The following SUGCT variants were observed in gnomAD, a reference collection of about 807,000 sequenced individuals.
The protein encoded by SUGCT is succinyl-CoA:glutarate-CoA transferase, also known as succinyl-CoA:glutarate CoA-transferase.
In SUGCT, 41 loss-of-function variants were observed where a neutral mutation model predicts 55.0. The ratio of observed to expected loss-of-function variants is 0.74; its 90% CI spans 0.58 to 0.97. SUGCT has a LOEUF of 0.97. Ranked by LOEUF, SUGCT falls within the 50% of genes least tolerant of loss-of-function variation. The pLI, the probability that SUGCT is intolerant of heterozygous loss-of-function variation, is 0.00. For missense variants in SUGCT, 568 were observed against 547.8 expected (o/e 1.04, Z -0.37); for synonymous variants, 187 against 200.4 (o/e 0.93, Z 0.56).
At chr7:40,714,256 G>A (rs1226153833) in intron 12 of SUGCT, among the ~76,000 whole-genome samples, 1 of 152,226 alleles carries the variant, frequency 6.6e-6, no homozygotes, top group East Asian at 1.9e-4. Context: ...CTTGAACTCA[G>A]GAGGCGGGTT....
At chr7:40,793,398 A>T (rs899790898) in intron 13 of SUGCT, 2 of 152,174 alleles carry the variant, frequency 1.3e-5, no homozygotes, top group African/African-American at 2.4e-5. Context: ...TTTCATAGTT[A>T]TAGGATATTA....
chr7:41,011,210 A>G, the SUGCT span, among the ~76,000 whole-genome samples: 1 of 152,206 alleles, frequency 6.6e-6, no homozygotes, highest in Non-Finnish European at 1.5e-5. Context: ...CCAGCCATCC[A>G]GATGAGATCA....
chr7:41,002,724 T>C, the SUGCT span, among the ~76,000 whole-genome samples: 1 of 152,210 alleles, frequency 6.6e-6, no homozygotes, highest in East Asian at 1.9e-4. Context: ...GCTTATTAGG[T>C]GTCAGACACT....
At chr7:40,255,566 C>T (rs868701195) in intron 7 of SUGCT, among the ~76,000 whole-genome samples, 37 of 138,902 alleles carry the variant, frequency 2.7e-4, no homozygotes, top group African/African-American at 8.7e-4. Flanking sequence ...GAGGCTGAGA[C>T]GGTAGAATTG....
At chr7:40,218,375 G>T (rs1013918576) in intron 6 of SUGCT, among the ~76,000 whole-genome samples, 2 of 152,110 alleles carry the variant, frequency 1.3e-5, no homozygotes, top group Non-Finnish European at 2.9e-5. Context: ...CAAATGAAGT[G>T]GGGGGAAAAG....
intron 11 of SUGCT, 42 bp downstream of exon 11, chr7:40,459,240 G>A (rs1280073540): frequency 7.8e-7 from 1 of 1,277,362 alleles, no homozygotes; most frequent in African/African-American, 1.5e-5. Context: ...GAATTAATAT[G>A]TGATAAGCAT....
intron 5 of SUGCT, among the ~76,000 whole-genome samples, chr7:40,194,012 T>C (rs556619863): frequency 6.6e-6 from 1 of 152,342 alleles, no homozygotes; most frequent in South Asian, 2.1e-4. Flanking sequence ...TGCATTGTCC[T>C]CTAATTCCCG....
At chr7:40,868,513 T>C in the SUGCT span, among the ~76,000 whole-genome samples, 2 of 152,202 alleles carry the variant, frequency 1.3e-5, no homozygotes, top group African/African-American at 4.8e-5. Context: ...TATGGCTGCA[T>C]AGTATTCCAT....
chr7:40,460,520 T>C (rs543164147), intron 11 of SUGCT, among the ~76,000 whole-genome samples: 2 of 152,372 alleles, frequency 1.3e-5, no homozygotes, highest in Non-Finnish European at 2.9e-5. Context: ...TTTCACACGA[T>C]GGTTACCAAG....
At chr7:40,919,932 C>T in the SUGCT span, among the ~76,000 whole-genome samples, 1 of 152,218 alleles carries the variant, frequency 6.6e-6, no homozygotes, top group Admixed American at 6.5e-5. Context: ...CTAGCATTAG[C>T]TCCAATTGCC....
chr7:40,662,926 G>T (rs1191843044), intron 12 of SUGCT, among the ~76,000 whole-genome samples: 1 of 152,172 alleles, frequency 6.6e-6, no homozygotes, highest in Non-Finnish European at 1.5e-5. Context: ...TTCCCTCAGA[G>T]TGGGTGCTAA....
chr7:40,279,157 T>G (rs1406079914), intron 8 of SUGCT, among the ~76,000 whole-genome samples: 1 of 152,082 alleles, frequency 6.6e-6, no homozygotes, highest in Non-Finnish European at 1.5e-5. Flanking sequence ...AGATCTTACA[T>G]TCTTATACCG....
At chr7:40,984,566 G>A in the SUGCT span, among the ~76,000 whole-genome samples, 1 of 152,096 alleles carries the variant, frequency 6.6e-6, no homozygotes, top group East Asian at 1.9e-4. Context: ...CGGGCAGATA[G>A]GACTTGTTTC....
chr7:40,452,819 C>T (rs1255453199), intron 10 of SUGCT, among the ~76,000 whole-genome samples: 1 of 152,146 alleles, frequency 6.6e-6, no homozygotes, highest in African/African-American at 2.4e-5. Flanking sequence ...AGAGTAAATA[C>T]ACTTTTCCCA....
At chr7:40,301,323 G>T (rs1794524921) in intron 8 of SUGCT, among the ~76,000 whole-genome samples, 1 of 152,126 alleles carries the variant, frequency 6.6e-6, no homozygotes, top group African/African-American at 2.4e-5. Flanking sequence ...TAATATAGGA[G>T]AATATAAAAT....
chr7:40,559,662 C>T (rs2151658780), intron 12 of SUGCT, among the ~76,000 whole-genome samples: 1 of 152,316 alleles, frequency 6.6e-6, no homozygotes, highest in Non-Finnish European at 1.5e-5. Flanking sequence ...TCTTTGTTTG[C>T]TATACTTATA....
chr7:40,659,136 A>G (rs1801177527), intron 12 of SUGCT, among the ~76,000 whole-genome samples: 1 of 152,216 alleles, frequency 6.6e-6, no homozygotes. Context: ...GGGATCTAAT[A>G]TGCAGGACAG....
intron 3 of SUGCT, among the ~76,000 whole-genome samples, chr7:40,183,912 G>A (rs371825766): frequency 4.6e-5 from 7 of 152,104 alleles, no homozygotes; most frequent in East Asian, 3.9e-4. Flanking sequence ...GGTGGTTCAC[G>A]CCTGTAGTCC....
At chr7:40,911,551 G>A in the SUGCT span, among the ~76,000 whole-genome samples, 1 of 143,070 alleles carries the variant, frequency 7.0e-6, no homozygotes, top group South Asian at 2.3e-4. Flanking sequence ...CTGGGTGGCA[G>A]AGTGAGACCC....
Sources: allele counts gnomAD v4.1 joint callset (sites outside exome capture counted in the v4.1 genomes callset), GRCh38; gene constraint gnomAD v4.1.1; transcripts MANE v1.5; gene names NCBI Gene and HGNC (gene_info 2026-07-23, HGNC 2026-07-21).